LUZP2: variants seen among roughly 807,000 people sequenced by gnomAD.
LUZP2 encodes the protein leucine zipper protein 2.
LUZP2 carries 52 observed loss-of-function variants against 51.6 expected under a neutral mutation model. That is an observed-to-expected ratio of 1.01 (90% confidence interval 0.81 to 1.27). LUZP2 has a LOEUF of 1.27. LUZP2 is among the 50% of genes most tolerant of loss of function. The pLI is 0.00. For synonymous variants in LUZP2, 154 were observed against 137.3 expected (o/e 1.12, Z -0.85); for missense variants, 436 against 395.4 (o/e 1.10, Z -0.87).
chr11:25,041,769 G>T (rs1213389669), intron 9 of LUZP2, among the ~76,000 whole-genome samples: 1 of 152,104 alleles, frequency 6.6e-6, no homozygotes, highest in Non-Finnish European at 1.5e-5. Flanking sequence ...CCCAGCCATG[G>T]ACCAGTACTC....
chr11:25,069,210 A>G (rs1859083548), intron 10 of LUZP2, among the ~76,000 whole-genome samples: 1 of 152,002 alleles, frequency 6.6e-6, no homozygotes, highest in African/African-American at 2.4e-5. Context: ...AAATGGAAGA[A>G]AGAAAATATA....
At chr11:24,847,967 A>C (rs1220540414) in intron 5 of LUZP2, among the ~76,000 whole-genome samples, 1 of 152,120 alleles carries the variant, frequency 6.6e-6, no homozygotes, top group African/African-American at 2.4e-5. Flanking sequence ...TTGTATTTAG[A>C]ATACTCCCTT....
intron 1 of LUZP2, among the ~76,000 whole-genome samples, chr11:24,509,001 G>T (rs1053909073): frequency 6.6e-6 from 1 of 152,070 alleles, no homozygotes; most frequent in Non-Finnish European, 1.5e-5. Flanking sequence ...AGATATTTGG[G>T]AAGTAACTCA....
At chr11:24,562,580 G>A (rs773968173) in intron 1 of LUZP2, among the ~76,000 whole-genome samples, 19 of 151,880 alleles carry the variant, frequency 1.3e-4, no homozygotes, top group Admixed American at 5.3e-4. Context: ...TAGGCCGGGC[G>A]CGGTGGCTCA....
At chr11:24,697,966 A>G (rs1433326154) in intron 1 of LUZP2, among the ~76,000 whole-genome samples, 3 of 152,138 alleles carry the variant, frequency 2.0e-5, no homozygotes, top group Admixed American at 6.5e-5. Context: ...CAATGCACAA[A>G]GACCGTTCTG....
At chr11:24,782,460 C>A (rs1159684341) in intron 5 of LUZP2, among the ~76,000 whole-genome samples, 2 of 151,740 alleles carry the variant, frequency 1.3e-5, no homozygotes, top group Non-Finnish European at 2.9e-5. Context: ...GCAAAGCAAC[C>A]AATGGTCATG....
intron 1 of LUZP2, among the ~76,000 whole-genome samples, chr11:24,721,787 A>G (rs542843657): frequency 2.6e-5 from 4 of 152,324 alleles, no homozygotes; most frequent in African/African-American, 4.8e-5. Flanking sequence ...TGACAAACCA[A>G]TTCTAAAATG....
chr11:24,870,376 C>T (rs1337968368), intron 5 of LUZP2, among the ~76,000 whole-genome samples: 2 of 151,916 alleles, frequency 1.3e-5, no homozygotes, highest in Non-Finnish European at 2.9e-5. Flanking sequence ...GTTTCTCTGC[C>T]CAGCCTCCTG....
intron 5 of LUZP2, among the ~76,000 whole-genome samples, chr11:24,764,321 C>G (rs892001358): frequency 7.3e-5 from 11 of 151,582 alleles, no homozygotes; most frequent in African/African-American, 2.4e-4. Flanking sequence ...TCTTAGATAA[C>G]TTCTTAAAAT....
intron 5 of LUZP2, among the ~76,000 whole-genome samples, chr11:24,864,489 T>C (rs1171913879): frequency 6.6e-6 from 1 of 152,234 alleles, no homozygotes; most frequent in East Asian, 1.9e-4. Context: ...TAAGTTAATC[T>C]AGGCATATAG....
Position 24,898,375 on chromosome 11 carries a change from A to G in LUZP2, c.397-7616A>G, listed in dbSNP as rs186093860. Among the ~76,000 whole-genome samples, 478 of 152,344 alleles carry G rather than the reference A, an allele frequency of 3.1e-3. 2 individuals are homozygous for G. The highest frequency in any genetic ancestry group is 4.8e-3 in the Non-Finnish European group (327 of 68,032). On this transcript the variant is annotated intron_variant, in intron 5 of 11. Coordinates refer to ENST00000336930, the MANE Select transcript of LUZP2 (RefSeq NM_001009909.4). ...CGCGGTGGCTCATGCCTATAATTCT[A>G]GCATTTTGGGAGGCCGAGGTGGGCA...
At chr11:25,054,953 T>TA (rs1175985176) in intron 10 of LUZP2, among the ~76,000 whole-genome samples, 1 of 151,564 alleles carries the variant, frequency 6.6e-6, no homozygotes, top group Non-Finnish European at 1.5e-5. Flanking sequence ...AATACTGTTT[T>TA]TTTTTCAATC....
intron 5 of LUZP2, among the ~76,000 whole-genome samples, chr11:24,888,381 A>G (rs576687098): frequency 3.1e-4 from 47 of 152,190 alleles, no homozygotes; most frequent in Admixed American, 1.4e-3. Context: ...AGTATGCTGC[A>G]TTTATGATCA....
intron 3 of LUZP2, among the ~76,000 whole-genome samples, chr11:24,736,597 A>G (rs1590421728): frequency 1.3e-5 from 2 of 151,672 alleles, no homozygotes; most frequent in Non-Finnish European, 2.9e-5. Context: ...CTACCCCTCT[A>G]TGCATTTGTT....
rs541946492 is a variant in LUZP2, at chr11:24,976,927, A to G, written c.597+262A>G. 2.0e-5 allele frequency among the ~76,000 whole-genome samples: 3 copies of G among 151,820 alleles called. No individual in the cohort carries two copies. In the East Asian group the frequency reaches 5.8e-4, roughly 29 times the overall value. ...GCTCCATTTTTCACCTCACTGGTAT[A>G]TTTATTCCATAATACCATGAATAAA... is the stretch of plus-strand genomic sequence containing the variant. On this transcript the variant is annotated intron_variant, in intron 8 of 11. Coordinates refer to ENST00000336930, the MANE Select transcript of LUZP2 (RefSeq NM_001009909.4).
chr11:24,956,008 T>G (rs564577784), intron 7 of LUZP2, among the ~76,000 whole-genome samples: 17 of 151,968 alleles, frequency 1.1e-4, no homozygotes, highest in Non-Finnish European at 2.1e-4. Flanking sequence ...AATGAGATAG[T>G]TGCAGCAATC....
intron 5 of LUZP2, among the ~76,000 whole-genome samples, chr11:24,905,044 G>C (rs1332156625): frequency 6.6e-6 from 1 of 152,154 alleles, no homozygotes; most frequent in Non-Finnish European, 1.5e-5. Context: ...AATGATAACA[G>C]GGTCATTACA....
chr11:24,843,491 C>T (rs1564976247), intron 5 of LUZP2, among the ~76,000 whole-genome samples: 1 of 152,038 alleles, frequency 6.6e-6, no homozygotes. Flanking sequence ...AATCTAGCAA[C>T]ATTTTAAAGT....
intron 5 of LUZP2, among the ~76,000 whole-genome samples, chr11:24,827,745 T>G (rs1850585143): frequency 6.6e-6 from 1 of 152,142 alleles, no homozygotes; most frequent in African/African-American, 2.4e-5. Context: ...GACCTGGGGC[T>G]CTGCATTTAT....
Sources: gnomAD v4.1 joint callset for allele counts (sites outside exome capture counted in the v4.1 genomes callset) on GRCh38, gnomAD v4.1.1 for gene constraint, MANE v1.5 for transcripts, NCBI Gene and HGNC (gene_info 2026-07-23, HGNC 2026-07-21) for gene names.